The following IFITM10 variants were observed in gnomAD, a reference collection of about 807,000 sequenced individuals.
The protein encoded by IFITM10 is interferon induced transmembrane protein 10.
A neutral mutation model predicts 19.0 loss-of-function variants in IFITM10; 17 were observed. The ratio of observed to expected loss-of-function variants is 0.90; its 90% CI spans 0.61 to 1.34. IFITM10 has a LOEUF of 1.34. Ranked by LOEUF, IFITM10 falls within the 40% of genes most tolerant of loss-of-function variation. The pLI, the probability that IFITM10 is intolerant of heterozygous loss-of-function variation, is 0.00. For synonymous variants in IFITM10, 148 were observed against 147.2 expected, an observed-to-expected ratio of 1.01 and a Z score of -0.04; for missense variants, 306 against 319.8, an observed-to-expected ratio of 0.96 and a Z score of 0.33.
chr11:1,750,223 G>C (rs1845701376), intron 1 of IFITM10, 136 bp downstream of exon 1: 2 of 1,474,206 alleles, frequency 1.4e-6, no homozygotes, highest in Non-Finnish European at 9.2e-7. Context: ...CGGTATGCTT[G>C]ACGCCAGCTG....
intron 2 of IFITM10, among the ~76,000 whole-genome samples, chr11:1,736,401 G>T: frequency 6.6e-6 from 1 of 152,142 alleles, no homozygotes; most frequent in East Asian, 1.9e-4. Flanking sequence ...GAGAATGGAA[G>T]CATAAATGGA....
Position 1,748,067 on chromosome 11 carries a change from G to T in IFITM10, c.137C>A (p.Thr46Lys). Residue 46 changes from threonine (T) to lysine (K), a missense_variant, in exon 2 of 3, where the codon ACG (threonine) becomes AAG (lysine). Thr to Lys is a moderately conservative substitution (Grantham distance 78, BLOSUM62 -1). Coordinates refer to ENST00000340134, the MANE Select transcript of IFITM10 (RefSeq NM_001170820.4). ...PAPLGDPAST[T>K]DGAQEARVPL... ...GACTCGGGCTTCCTGGGCGCCGTCC[G>T]TGGTGCTGGCCGGGTCTCCCAGCGG... The T allele has an allele frequency of 7.0e-7, 1 of 1,418,942 alleles. No homozygotes were observed. 87.9% of individuals were successfully genotyped at this position (1,418,942 alleles called of 1,614,324 possible). A position where few individuals can be genotyped will look rare whatever the true frequency, so the allele number is the denominator to read the frequency against.
chr11:1,738,169 G>A lies in IFITM10; in HGVS notation c.538-2740C>T, dbSNP rs545085976. Among the ~76,000 whole-genome samples the A allele has an allele frequency of 1.2e-4, 18 of 152,136 alleles. No homozygotes were observed. The South Asian group carries it at 2.1e-3, about 18-fold the overall frequency. On this transcript the variant is annotated intron_variant, in intron 2 of 2. Coordinates refer to ENST00000340134, the MANE Select transcript of IFITM10 (RefSeq NM_001170820.4). ...TGCTGGGTGGGGAGGAGGGCTGGAC[G>A]GATATAAAATGTACGTTGGATGAGT...
chr11:1,748,321 G>T, intron 1 of IFITM10: 1 of 425,038 alleles, frequency 2.4e-6, no homozygotes, highest in Non-Finnish European at 4.1e-6. Context: ...AGCAGCCTTG[G>T]CAGGGACCTG....
rs531766416 is a variant in IFITM10 at position 1,737,455 on chromosome 11, G to A, written c.538-2026C>T. Among the ~76,000 whole-genome samples, 108 of 152,290 alleles carry A rather than the reference G, an allele frequency of 7.1e-4. 1 individual carries two copies. The highest frequency in any genetic ancestry group is 2.2e-4 in the Non-Finnish European group (15 of 68,024). On this transcript the variant is annotated intron_variant, in intron 2 of 2. Coordinates refer to ENST00000340134, the MANE Select transcript of IFITM10 (RefSeq NM_001170820.4). Reference sequence around the variant, plus strand: ...GACTGGATTTCAATCCTGATTCTGCGGGTCGTAGACTGTACAGCCTTAGGC... The same window carrying A: ...GACTGGATTTCAATCCTGATTCTGCAGGTCGTAGACTGTACAGCCTTAGGC...
Position 1,747,759 on chromosome 11 carries a change from C to CGAGG in IFITM10, c.444_445insCCTC (p.Glu149ProfsTer41). 6.4e-7 allele frequency: 1 copy of CGAGG among 1,551,854 alleles called. No individual in the cohort carries two copies. The highest frequency in any genetic ancestry group is 8.7e-7 in the Non-Finnish European group (1 of 1,146,964). On this transcript the variant is annotated frameshift_variant, in exon 2 of 3. Coordinates refer to ENST00000340134, the MANE Select transcript of IFITM10 (RefSeq NM_001170820.4). LOFTEE classifies it high-confidence loss of function. ...GACCACAGGTAATAGTCGTTCACCT[C>CGAGG]GGTGGTGTCCGGGTAGACCTCGATG...
chr11:1,749,710 T>A (rs1222745632), intron 1 of IFITM10, among the ~76,000 whole-genome samples: 2 of 150,916 alleles, frequency 1.3e-5, no homozygotes, highest in Admixed American at 1.3e-4. Context: ...CTCTGCCCCA[T>A]CCTGTCCCTA....
rs1845669260 is a variant in IFITM10 at position 1,747,893 on chromosome 11, A to G, written c.311T>C (p.Phe104Ser). The G allele has an allele frequency of 1.3e-6, 2 of 1,522,214 alleles. No homozygotes were observed. The highest frequency in any genetic ancestry group is 4.1e-5 in the Admixed American group (2 of 48,982). 94.3% of individuals were successfully genotyped at this position (1,522,214 alleles called of 1,614,324 possible). ...CTTGCTGCTCTTGGACTCCATGGGG[A>G]ACAGTGTGGGCGCCATCGGGGGAGA... ...SASPPMAPTL[F>S]PMESKSSKTD... Residue 104 changes from phenylalanine to serine, a missense_variant, in exon 2 of 3, where the codon TTC becomes TCC. Physicochemically the swap from Phe to Ser is radical, Grantham distance 155 (BLOSUM62 -2). Transcript: ENST00000340134.
In IFITM10 at chr11:1,748,080, G is replaced by A. The variant is rs1845671863; in HGVS notation, c.124C>T (p.Pro42Ser). 1 of 1,413,096 alleles carries A rather than the reference G, an allele frequency of 7.1e-7. No homozygotes were observed. Among genetic ancestry groups the A allele is most frequent in the African/African-American group, 1.5e-5 (1 of 67,240 alleles). The allele number at this position is 1,413,096 out of a possible 1,614,324, so 87.5% of individuals were successfully genotyped here. The change falls in exon 2 of 3, where the codon CCG becomes TCG. Residue 42 changes from proline to serine, a missense_variant. Transcript: ENST00000340134. ...TGGGCGCCGTCCGTGGTGCTGGCCG[G>A]GTCTCCCAGCGGGGCTGGGCACTGG... ...PGQCPAPLGD[P>S]ASTTDGAQEA...
chr11:1,736,088 G>A (rs1018694752), intron 2 of IFITM10, among the ~76,000 whole-genome samples: 6 of 151,978 alleles, frequency 3.9e-5, no homozygotes, highest in African/African-American at 1.5e-4. Context: ...CCCCTCCTCA[G>A]CACTCTTTCC....
intron 2 of IFITM10, 146 bp from the exon 3 acceptor site, chr11:1,735,575 T>C (rs1302631875): frequency 1.3e-6 from 1 of 775,428 alleles, no homozygotes. Context: ...ACGATGGTTC[T>C]AGAGGAACAT....
chr11:1,740,699 T>TG (rs1845555986), intron 2 of IFITM10, among the ~76,000 whole-genome samples: 1 of 152,176 alleles, frequency 6.6e-6, no homozygotes, highest in Non-Finnish European at 1.5e-5. Flanking sequence ...AGGGCAGAGA[T>TG]ATAAATTTGA....
In IFITM10 at chr11:1,750,463, C is replaced by T; in HGVS notation, c.-21G>A. On this transcript the variant is annotated 5_prime_UTR_variant, in exon 1 of 3. Transcript: ENST00000340134. ...CTCATCTCTCTCCAAGCCCCATCCT[C>T]CCATGAAACTCCTTTCTCCTCTGCC... is the stretch of plus-strand genomic sequence containing the variant. The T allele has an allele frequency of 6.4e-7, 1 of 1,550,454 alleles. No homozygotes were observed. Among genetic ancestry groups the T allele is most frequent in the Non-Finnish European group, 8.7e-7 (1 of 1,146,966 alleles).
intron 2 of IFITM10, among the ~76,000 whole-genome samples, chr11:1,740,390 G>C (rs1391120172): frequency 6.6e-6 from 1 of 151,844 alleles, no homozygotes; most frequent in African/African-American, 2.4e-5. Context: ...AGGGTGGCTT[G>C]GACCAGGGCA....
At position 1,747,923 on chromosome 11, in the gene IFITM10, G is replaced by A. The variant is rs1845669690; in HGVS notation, c.281C>T (p.Ser94Leu). ...QAPAAPAPEP[S>L]ASPPMAPTLF... ...TGTGGGCGCCATCGGGGGAGAGGCC[G>A]AGGGCTCAGGGGCAGGGGCCGCCGG... The change falls in exon 2 of 3, where the codon TCG becomes TTG. Residue 94 changes from serine to leucine, a missense_variant. Physicochemically the swap from Ser to Leu is moderately radical, Grantham distance 145. Coordinates refer to ENST00000340134, the MANE Select transcript of IFITM10 (RefSeq NM_001170820.4). 1.3e-6 allele frequency: 2 copies of A among 1,489,396 alleles called. No homozygotes were observed. Among genetic ancestry groups the A allele is most frequent in the Non-Finnish European group, 1.8e-6 (2 of 1,115,468 alleles). 92.3% of individuals were successfully genotyped at this position (1,489,396 alleles called of 1,614,324 possible).
chr11:1,740,876 A>C (rs1028403040), intron 2 of IFITM10, among the ~76,000 whole-genome samples: 6 of 151,468 alleles, frequency 4.0e-5, no homozygotes, highest in Non-Finnish European at 4.4e-5. Flanking sequence ...TAGTGAGTGA[A>C]TTCCTGAGAG....
intron 2 of IFITM10, among the ~76,000 whole-genome samples, chr11:1,739,460 G>A (rs982195012): frequency 2.6e-5 from 4 of 152,162 alleles, no homozygotes; most frequent in Admixed American, 6.5e-5. Context: ...TAGGTCCTGC[G>A]TATATCACAA....
At chr11:1,747,614 G>T in intron 2 of IFITM10, 53 bp downstream of exon 2, 1 of 1,488,708 alleles carries the variant, frequency 6.7e-7, no homozygotes, top group Non-Finnish European at 9.2e-7. Flanking sequence ...GGACTGTCCT[G>T]CCGGCACCAC....
intron 1 of IFITM10, chr11:1,748,330 T>G: frequency 2.4e-6 from 1 of 418,416 alleles, no homozygotes; most frequent in Non-Finnish European, 4.2e-6. Flanking sequence ...GGCAGGGACC[T>G]GGGGCTTTCA....
Sources: allele counts gnomAD v4.1 joint callset (sites outside exome capture counted in the v4.1 genomes callset), GRCh38; gene constraint gnomAD v4.1.1; transcripts MANE v1.5; gene names NCBI Gene and HGNC (gene_info 2026-07-23, HGNC 2026-07-21).